ATP2A3: variants seen among roughly 807,000 people sequenced by gnomAD.
The protein encoded by ATP2A3 is sarcoplasmic/endoplasmic reticulum calcium ATPase 3.
Under a neutral mutation model 106.8 loss-of-function variants are expected in ATP2A3, and 61 were observed. The ratio of observed to expected loss-of-function variants is 0.57; its 90% CI spans 0.46 to 0.71. ATP2A3 has a LOEUF of 0.71. ATP2A3 is among the 30% of genes least tolerant of loss of function. The pLI, the probability that ATP2A3 is intolerant of heterozygous loss-of-function variation, is 0.00. For synonymous variants in ATP2A3, 611 were observed against 609.3 expected, an observed-to-expected ratio of 1.00 and a Z score of -0.04; for missense variants, 1,201 against 1,423.5, an observed-to-expected ratio of 0.84 and a Z score of 2.52.
At chr17:3,939,786 TAAAAAAAAA>T (rs71381543) in intron 14 of ATP2A3, among the ~76,000 whole-genome samples, 19 of 50,526 alleles carry the variant, frequency 3.8e-4, no homozygotes, top group South Asian at 8.1e-4. Context: ...AGACTCTGTC[TAAAAAAAAA>T]AAAAAAAAAA....
At position 3,931,415 on chromosome 17, in the gene ATP2A3, C is replaced by T. The variant is rs908845675; in HGVS notation, c.2611-981G>A. ...TTGGGGGAACTTGTCTTGTTCTCTT[C>T]CATATTATAGGGATGAGGGTGAATG... On this transcript the variant is annotated intron_variant, in intron 17 of 20. Transcript: ENST00000397041. Among the ~76,000 whole-genome samples the T allele has an allele frequency of 3.3e-4, 50 of 152,208 alleles. 1 individual carries two copies. The highest frequency in any genetic ancestry group is 2.6e-3 in the Admixed American group (40 of 15,292).
rs764018116 is a variant in ATP2A3 at position 3,941,019 on chromosome 17, C to T, written c.2052G>A (p.Lys684=). Reference sequence around the variant, plus strand: ...ACTGCAGGTTCTCCACGATGCGGGACTTGTGTGCGGGCTCCACGCGGGCGA... The same window carrying T: ...ACTGCAGGTTCTCCACGATGCGGGATTTGTGTGCGGGCTCCACGCGGGCGA... The part of the protein sequence containing the change: ...RCFARVEPAH[K]SRIVENLQSF... The change falls in exon 14 of 21, where the codon AAG becomes AAA. Residue 684 remains lysine (K), a synonymous_variant. Transcript: ENST00000397041. 1.9e-6 allele frequency: 3 copies of T among 1,613,972 alleles called. No individual in the cohort carries two copies. The highest frequency in any genetic ancestry group is 3.3e-5 in the Admixed American group (2 of 60,026).
chr17:3,942,757 A>G (rs749405942), intron 11 of ATP2A3, 26 bp from the exon 12 acceptor site: 2 of 1,610,158 alleles, frequency 1.2e-6, no homozygotes, highest in East Asian at 2.2e-5. Flanking sequence ...AGGTCAGGGC[A>G]TGAAGGACAG....
chr17:3,959,143 C>A (rs568836515), intron 1 of ATP2A3, among the ~76,000 whole-genome samples: 3 of 152,126 alleles, frequency 2.0e-5, no homozygotes, highest in African/African-American at 7.2e-5. Context: ...AGTGATCCAC[C>A]CACCTCGGCC....
chr17:3,929,416 A>T lies in ATP2A3; in HGVS notation c.2774T>A (p.Met925Lys). 3 of 1,592,918 alleles carry T rather than the reference A, an allele frequency of 1.9e-6. No individual in the cohort carries two copies. Among genetic ancestry groups the T allele is most frequent in the Non-Finnish European group, 2.6e-6 (3 of 1,170,740 alleles). Residue 925 changes from methionine (M) to lysine (K), a missense_variant, in exon 19 of 21, where the codon ATG becomes AAG. Around this residue, in one of 2 missense-constraint regions of ATP2A3, gnomAD observed 935 missense variants for 1,176.7 expected, o/e 0.79. Coordinates refer to ENST00000397041, the MANE Select transcript of ATP2A3 (RefSeq NM_005173.4). The surrounding 1 kb of genome is among the most constrained non-coding windows in gnomAD (Gnocchi z 4.3). Reference sequence around the variant, plus strand: ...CAGCCAGGGGTTCATCCAGGGCGGCATCCGCAGCAGCGACTGGTTCTCCGA... The same window carrying T: ...CAGCCAGGGGTTCATCCAGGGCGGCTTCCGCAGCAGCGACTGGTTCTCCGA... The part of the protein sequence containing the change: ...SVSENQSLLR[M>K]PPWMNPWLLV...
In ATP2A3 at chr17:3,944,704, C is replaced by T. The variant is rs1241032130; in HGVS notation, c.1287G>A (p.Glu429=). 1.9e-6 allele frequency: 3 copies of T among 1,612,718 alleles called. No homozygotes were observed. The highest frequency in any genetic ancestry group is 2.5e-6 in the Non-Finnish European group (3 of 1,179,452). ...GGTCATGAAAGGGGGTGAGGCCCAC[C>T]TCGTTGTAGTCCAGAGCCGAGTCGT... ...LCNDSALDYN[E]AKGVYEKVGE... is the part of the protein sequence containing the mutation. The change falls in exon 10 of 21, where the codon GAG becomes GAA. Residue 429 remains glutamate, a splice_region_variant and synonymous_variant. Coordinates refer to ENST00000397041, the MANE Select transcript of ATP2A3 (RefSeq NM_005173.4).
At chr17:3,960,811 C>G (rs930553546) in intron 1 of ATP2A3, among the ~76,000 whole-genome samples, 1 of 152,186 alleles carries the variant, frequency 6.6e-6, no homozygotes, top group Non-Finnish European at 1.5e-5. Flanking sequence ...GCTGACGACA[C>G]TGAAAATATA....
chr17:3,925,844 C>G lies in ATP2A3; in HGVS notation c.2981-403G>C, dbSNP rs906438790. Among the ~76,000 whole-genome samples the G allele has an allele frequency of 6.6e-6, 1 of 152,228 alleles. No homozygotes were observed. Among genetic ancestry groups the G allele is most frequent in the Admixed American group, 6.5e-5 (1 of 15,298 alleles). On this transcript the variant is annotated intron_variant, in intron 20 of 20. Transcript: ENST00000397041. The surrounding 1 kb of genome is among the most constrained non-coding windows in gnomAD (Gnocchi z 4.2). Reference sequence around the variant, plus strand: ...TCATCTCTCCCACTGCCTTCCCCAACCAGGCCTCAAGGCCTCAAGGCCTGC... The same window carrying G: ...TCATCTCTCCCACTGCCTTCCCCAAGCAGGCCTCAAGGCCTCAAGGCCTGC...
rs978068482 is a variant in ATP2A3 at position 3,924,880 on chromosome 17, C to T, written c.*542G>A. On this transcript the variant is annotated 3_prime_UTR_variant, in exon 21 of 21. Coordinates refer to ENST00000397041, the MANE Select transcript of ATP2A3 (RefSeq NM_005173.4). This position sits in a 1 kb window ranked among gnomAD's most constrained non-coding sequence, Gnocchi z 6.4. ...GCAGAGTGGAGTGGAGGGGGCTGCC[C>T]ACCCTCGCTGTACACAGCTGGGCCC... The T allele has an allele frequency of 6.6e-6, 3 of 456,866 alleles. No individual in the cohort carries two copies. Among genetic ancestry groups the T allele is most frequent in the South Asian group, 3.1e-5 (2 of 64,516 alleles). The allele number at this position is 456,866 out of a possible 1,614,324, so 28.3% of individuals were successfully genotyped here.
intron 4 of ATP2A3, 35 bp downstream of exon 4, chr17:3,951,546 G>GCCCCCCCCCCCGGGCCCCCCCC: frequency 7.6e-7 from 1 of 1,319,570 alleles, no homozygotes; most frequent in Non-Finnish European, 1.0e-6. Flanking sequence ...CTGGGAGACC[G>GCCCCCCCCCCCGGGCCCCCCCC]CCCCCCGCCC....
rs73971770 is a variant in ATP2A3 at position 3,953,703 on chromosome 17, C to A, written c.126G>T (p.Pro42=). The A allele has an allele frequency of 2.3e-4, 366 of 1,569,694 alleles. 1 individual carries two copies. In the African/African-American group the frequency reaches 4.5e-3, roughly 19 times the overall value. ...ARERYGPNEL[P]SEEGKSLWEL... ...CGGTGCCAGCCTCACCTTCCTCACT[C>A]GGGAGCTCTGCAGGATCCAGGCAGC... is the stretch of plus-strand genomic sequence containing the variant. The change falls in exon 2 of 21, where the codon CCG becomes CCT. Residue 42 remains proline (P), a synonymous_variant. Coordinates refer to ENST00000397041, the MANE Select transcript of ATP2A3 (RefSeq NM_005173.4). The surrounding 1 kb of genome is among the most constrained non-coding windows in gnomAD (Gnocchi z 5.1).
At chr17:3,945,017 C>T (rs1003205173) in intron 9 of ATP2A3, 43 bp downstream of exon 9, 259 of 1,462,878 alleles carry the variant, frequency 1.8e-4, no homozygotes, top group Non-Finnish European at 2.3e-4. Context: ...CGTGGCCCCG[C>T]CCCCAGGCCG....
At position 3,950,744 on chromosome 17, in the gene ATP2A3, G is replaced by C; in HGVS notation, c.493C>G (p.Leu165Val). Residue 165 changes from leucine (L) to valine (V), a missense_variant, in exon 6 of 21, where the codon CTC becomes GTC. By Grantham distance (32) the Leu-to-Val change is conservative. Transcript: ENST00000397041. ...AGCGTGGTGGACTTGATCTCGATGA[G>C]GCGGAGGTCAGCAGGCACTTTGTCC... The part of the protein sequence containing the change: ...VGDKVPADLR[L>V]IEIKSTTLRV... The C allele has an allele frequency of 6.2e-7, 1 of 1,613,788 alleles. No homozygotes were observed. The highest frequency in any genetic ancestry group is 8.5e-7 in the Non-Finnish European group (1 of 1,180,008).
intron 17 of ATP2A3, among the ~76,000 whole-genome samples, chr17:3,932,157 T>C (rs2053141463): frequency 6.6e-6 from 1 of 152,212 alleles, no homozygotes; most frequent in East Asian, 1.9e-4. Context: ...TTTGTTTTTG[T>C]TTTCGAGACT....
intron 13 of ATP2A3, 55 bp from the exon 14 acceptor site, chr17:3,941,361 C>G: frequency 6.2e-7 from 1 of 1,613,788 alleles, no homozygotes; most frequent in Non-Finnish European, 8.5e-7. Flanking sequence ...GACCTACCAC[C>G]TGCTCAGCTG....
At chr17:3,952,921 G>A (rs1025183121) in intron 3 of ATP2A3, among the ~76,000 whole-genome samples, 15 of 152,146 alleles carry the variant, frequency 9.9e-5, no homozygotes, top group African/African-American at 1.9e-4. Flanking sequence ...GGTCATCCCC[G>A]GGAGGTGCTA....
chr17:3,930,087 T>C lies in ATP2A3; in HGVS notation c.2744+214A>G, dbSNP rs2052970171. Among the ~76,000 whole-genome samples, 1 of 139,290 alleles carries C rather than the reference T, an allele frequency of 7.2e-6. No homozygotes were observed. Among genetic ancestry groups the C allele is most frequent in the South Asian group, 2.3e-4 (1 of 4,396 alleles). 91.4% of individuals were successfully genotyped at this position (139,290 alleles called of 152,430 possible). A position where few individuals can be genotyped will look rare whatever the true frequency, so the allele number is the denominator to read the frequency against. ...ACCCCCCAAACATCAGACCCCAATC[T>C]TGGACCCTCTTGACCCACAGACCCC... On this transcript the variant is annotated intron_variant, in intron 18 of 20. Transcript: ENST00000397041. The surrounding 1 kb of genome is among the most constrained non-coding windows in gnomAD (Gnocchi z 5.4).
chr17:3,929,221 T>G lies in ATP2A3; in HGVS notation c.2862+107A>C, dbSNP rs890804967. ...TGGCTGGCCAGACCTCTCACCTCCC[T>G]CTCCTCCAGGTAGTTTCCATTGCAG... On this transcript the variant is annotated intron_variant, in intron 19 of 20. Coordinates refer to ENST00000397041, the MANE Select transcript of ATP2A3 (RefSeq NM_005173.4). This position sits in a 1 kb window ranked among gnomAD's most constrained non-coding sequence, Gnocchi z 4.3. 72 of 1,072,542 alleles carry G rather than the reference T, an allele frequency of 6.7e-5. No individual in the cohort carries two copies. Among genetic ancestry groups the G allele is most frequent in the Admixed American group, 1.2e-4 (5 of 42,982 alleles). 66.4% of individuals were successfully genotyped at this position (1,072,542 alleles called of 1,614,324 possible).
rs373190154 is a variant in ATP2A3, at chr17:3,941,037, G to A, written c.2034C>T (p.Arg678=). The A allele has an allele frequency of 1.9e-4, 303 of 1,613,718 alleles. No individual in the cohort carries two copies. Among genetic ancestry groups the A allele is most frequent in the Non-Finnish European group, 2.5e-4 (295 of 1,179,800 alleles). ...QACRTARCFA[R]VEPAHKSRIV... ...TGCGGGACTTGTGTGCGGGCTCCAC[G>A]CGGGCGAAGCAGCGGGCGGTGCGGC... The change falls in exon 14 of 21, where the codon CGC becomes CGT. Residue 678 remains arginine (R), a synonymous_variant. Coordinates refer to ENST00000397041, the MANE Select transcript of ATP2A3 (RefSeq NM_005173.4).
Sources: gnomAD v4.1 joint callset for allele counts (sites outside exome capture counted in the v4.1 genomes callset) on GRCh38, gnomAD v4.1.1 for gene constraint, gnomAD v4.1.1 regional missense constraint, Gnocchi (gnomAD v3.1) non-coding constraint, MANE v1.5 for transcripts, NCBI Gene and HGNC (gene_info 2026-07-23, HGNC 2026-07-21) for gene names.